PTPRD: variants seen among roughly 807,000 people sequenced by gnomAD.
The protein encoded by PTPRD is receptor-type tyrosine-protein phosphatase delta.
PTPRD carries 34 observed loss-of-function variants against 214.5 expected under a neutral mutation model. That is an observed-to-expected ratio of 0.16 (90% CI 0.12 to 0.21). The LOEUF (loss-of-function observed/expected upper bound fraction) is 0.21, where lower values mean the gene tolerates loss of function less well. Among genes scored for constraint, PTPRD ranks in the 10% least tolerant of loss-of-function variants. PTPRD has a pLI of 1.00. For synonymous variants in PTPRD, 1,128 were observed against 845.7 expected, an observed-to-expected ratio of 1.33 and a Z score of -5.79; for missense variants, 2,545 against 2,398.7, an observed-to-expected ratio of 1.06 and a Z score of -1.27.
intron 5 of PTPRD, among the ~76,000 whole-genome samples, chr9:9,920,949 A>G (rs959166237): frequency 1.3e-5 from 2 of 152,106 alleles, no homozygotes; most frequent in Non-Finnish European, 2.9e-5. Context: ...TGATACTAAA[A>G]TCTGACAGAG....
chr9:8,342,461 TTATC>T (rs1853378927), intron 39 of PTPRD, among the ~76,000 whole-genome samples: 2 of 152,210 alleles, frequency 1.3e-5, no homozygotes, highest in Middle Eastern at 3.4e-3. Flanking sequence ...TGCTTCCTAT[TTATC>T]AAACCCTTCA....
At chr9:8,681,260 A>G (rs1033178089) in intron 12 of PTPRD, among the ~76,000 whole-genome samples, 1 of 152,212 alleles carries the variant, frequency 6.6e-6, no homozygotes, top group Admixed American at 6.5e-5. Flanking sequence ...AGTCCGTATA[A>G]CCAAAGCAAA....
intron 7 of PTPRD, among the ~76,000 whole-genome samples, chr9:9,685,679 C>T (rs1744046353): frequency 6.6e-6 from 1 of 150,882 alleles, no homozygotes; most frequent in African/African-American, 2.4e-5. Context: ...GAATTGGCTG[C>T]TCTTAAGTAA....
At chr9:8,321,845 T>A (rs576744306) in intron 44 of PTPRD, among the ~76,000 whole-genome samples, 4 of 152,186 alleles carry the variant, frequency 2.6e-5, no homozygotes, top group African/African-American at 9.6e-5. Flanking sequence ...TTATGGAGTT[T>A]TGCAGATACT....
chr9:8,426,672 G>A (rs1042106940), intron 35 of PTPRD, among the ~76,000 whole-genome samples: 2 of 152,080 alleles, frequency 1.3e-5, no homozygotes, highest in Non-Finnish European at 2.9e-5. Flanking sequence ...TGAGAATAAG[G>A]ACTGGGAAAC....
intron 2 of PTPRD, among the ~76,000 whole-genome samples, chr9:10,521,805 T>C (rs2052389139): frequency 6.6e-6 from 1 of 152,196 alleles, no homozygotes; most frequent in African/African-American, 2.4e-5. Flanking sequence ...TAAAGGTATG[T>C]ACATTGTTTT....
chr9:9,714,996 A>T (rs1309333490), intron 7 of PTPRD, among the ~76,000 whole-genome samples: 1 of 152,104 alleles, frequency 6.6e-6, no homozygotes, highest in Non-Finnish European at 1.5e-5. Flanking sequence ...TTCAGCTTTT[A>T]GGGGAAGAAG....
chr9:9,416,303 G>C (rs753223176), intron 8 of PTPRD, among the ~76,000 whole-genome samples: 1 of 152,166 alleles, frequency 6.6e-6, no homozygotes, highest in East Asian at 1.9e-4. Context: ...TTTCCATGCA[G>C]TGTTATGAGT....
At chr9:10,606,398 T>C (rs1037689988) in intron 2 of PTPRD, among the ~76,000 whole-genome samples, 1 of 151,876 alleles carries the variant, frequency 6.6e-6, no homozygotes, top group African/African-American at 2.4e-5. Context: ...TTGAGGCCAA[T>C]TATTGGGAAA....
chr9:9,898,248 T>G (rs1419967783), intron 5 of PTPRD, among the ~76,000 whole-genome samples: 1 of 152,072 alleles, frequency 6.6e-6, no homozygotes, highest in African/African-American at 2.4e-5. Context: ...AAAATTTCAG[T>G]AAATGAAAAA....
intron 8 of PTPRD, among the ~76,000 whole-genome samples, chr9:9,540,576 T>C (rs1022747414): frequency 4.8e-4 from 73 of 151,946 alleles, no homozygotes; most frequent in African/African-American, 1.6e-3. Context: ...AGAAAAGAAG[T>C]GGCAATAACA....
chr9:10,105,700 C>T (rs1289409210), intron 3 of PTPRD, among the ~76,000 whole-genome samples: 2 of 151,762 alleles, frequency 1.3e-5, no homozygotes, highest in Admixed American at 6.6e-5. Context: ...GAATTACTAA[C>T]ATGCTACTTG....
chr9:10,006,933 C>CAAT (rs954538061), intron 4 of PTPRD, among the ~76,000 whole-genome samples: 4 of 151,426 alleles, frequency 2.6e-5, no homozygotes, highest in Non-Finnish European at 5.9e-5. Context: ...AATTATTTTC[C>CAAT]AATAATAATA....
chr9:9,114,116 A>G (rs2099809824), intron 10 of PTPRD, among the ~76,000 whole-genome samples: 2 of 152,194 alleles, frequency 1.3e-5, no homozygotes, highest in Admixed American at 1.3e-4. Context: ...TTCAAACAGA[A>G]AAACTATCAT....
intron 34 of PTPRD, among the ~76,000 whole-genome samples, chr9:8,441,486 C>G (rs1188765077): frequency 6.6e-6 from 1 of 151,880 alleles, no homozygotes; most frequent in Non-Finnish European, 1.5e-5. Flanking sequence ...TGTTGAAACT[C>G]AGTCCATGTC....
At chr9:10,580,956 A>C (rs1018937981) in intron 2 of PTPRD, among the ~76,000 whole-genome samples, 20 of 152,306 alleles carry the variant, frequency 1.3e-4, no homozygotes, top group African/African-American at 4.8e-4. Context: ...TTGTCAGAGA[A>C]GCACTGTTCT....
chr9:9,159,212 A>G (rs572718060), intron 10 of PTPRD, among the ~76,000 whole-genome samples: 1 of 152,168 alleles, frequency 6.6e-6, no homozygotes, highest in Non-Finnish European at 1.5e-5. Flanking sequence ...CATAGTAATT[A>G]GGTAAGGGAA....
chr9:9,779,472 T>A (rs765463763), intron 5 of PTPRD, among the ~76,000 whole-genome samples: 5 of 151,872 alleles, frequency 3.3e-5, no homozygotes, highest in African/African-American at 1.2e-4. Flanking sequence ...AGGTCTAATA[T>A]CCGGAATGTA....
At chr9:9,406,161 C>T (rs1277323836) in intron 8 of PTPRD, among the ~76,000 whole-genome samples, 2 of 151,848 alleles carry the variant, frequency 1.3e-5, no homozygotes, top group Non-Finnish European at 2.9e-5. Context: ...CCTAAGAAGA[C>T]AAATGTTTTT....
Sources: gnomAD v4.1 joint callset for allele counts (sites outside exome capture counted in the v4.1 genomes callset) on GRCh38, gnomAD v4.1.1 for gene constraint, MANE v1.5 for transcripts, NCBI Gene and HGNC (gene_info 2026-07-23, HGNC 2026-07-21) for gene names.